Variants in ERC2 observed in about 807,000 individuals in gnomAD.
ERC2 encodes ERC protein 2.
In ERC2, 42 loss-of-function variants were observed where a neutral mutation model predicts 114.8. The ratio of observed to expected loss-of-function variants is 0.37; its 90% CI spans 0.29 to 0.47. The LOEUF (loss-of-function observed/expected upper bound fraction) is 0.47. ERC2 is among the 20% of genes least tolerant of loss of function. ERC2 has a pLI of 0.99. For missense variants in ERC2, 939 were observed against 1,150.7 expected (o/e 0.82, Z 2.66); for synonymous variants, 454 against 425.5 (o/e 1.07, Z -0.82).
chr3:55,618,289 T>C (rs1431083504), intron 17 of ERC2, among the ~76,000 whole-genome samples: 1 of 152,246 alleles, frequency 6.6e-6, no homozygotes, highest in East Asian at 1.9e-4. Context: ...ATTCAAGGCA[T>C]TAAAGCAGGG....
intron 3 of ERC2, among the ~76,000 whole-genome samples, chr3:56,241,466 C>T (rs2051316909): frequency 6.6e-6 from 1 of 152,144 alleles, no homozygotes; most frequent in Non-Finnish European, 1.5e-5. Context: ...TTTATAACAG[C>T]TCTATGGAAA....
intron 3 of ERC2, among the ~76,000 whole-genome samples, chr3:56,187,715 CA>C (rs2150060981): frequency 6.6e-6 from 1 of 152,198 alleles, no homozygotes; most frequent in Non-Finnish European, 1.5e-5. Context: ...TAAATGTATA[CA>C]GGTAATAAGT....
At chr3:55,991,988 A>G in intron 11 of ERC2, 69 bp downstream of exon 11, 1 of 1,408,648 alleles carries the variant, frequency 7.1e-7, no homozygotes, top group Non-Finnish European at 9.9e-7. Flanking sequence ...ATCCACCACA[A>G]CCGGAGATGG....
At chr3:55,926,407 T>C (rs2065750307) in intron 13 of ERC2, among the ~76,000 whole-genome samples, 1 of 35,798 alleles carries the variant, frequency 2.8e-5, no homozygotes, top group Non-Finnish European at 5.1e-5. Flanking sequence ...TTTTTTGTTT[T>C]TTGTTTTTAA....
intron 3 of ERC2, among the ~76,000 whole-genome samples, chr3:56,285,032 T>TAC (rs10575135): frequency 0.059 from 6,325 of 106,544 alleles, 157 homozygotes; most frequent in East Asian, 0.13. Context: ...CACACACACA[T>TAC]ACACACACAC....
chr3:56,126,032 TC>T (rs1422417681), intron 6 of ERC2, among the ~76,000 whole-genome samples: 1 of 152,192 alleles, frequency 6.6e-6, no homozygotes, highest in Non-Finnish European at 1.5e-5. Context: ...TCAACAAGTA[TC>T]CACTTAGGGC....
chr3:56,050,100 A>C (rs1001185639), intron 7 of ERC2, among the ~76,000 whole-genome samples: 1 of 152,214 alleles, frequency 6.6e-6, no homozygotes, highest in Non-Finnish European at 1.5e-5. Context: ...GAGGATGATG[A>C]AACTGTCATA....
intron 17 of ERC2, among the ~76,000 whole-genome samples, chr3:55,573,696 C>A (rs1467855570): frequency 6.6e-6 from 1 of 152,102 alleles, no homozygotes; most frequent in Non-Finnish European, 1.5e-5. Flanking sequence ...GGACCTTCCT[C>A]AGCCCACATG....
chr3:56,040,238 C>T (rs538968580), intron 7 of ERC2, among the ~76,000 whole-genome samples: 7 of 152,188 alleles, frequency 4.6e-5, no homozygotes, highest in Non-Finnish European at 7.4e-5. Flanking sequence ...CCATCACATA[C>T]GTGATTTAAG....
chr3:55,514,559 T>A (rs764825139), intron 17 of ERC2, among the ~76,000 whole-genome samples: 5 of 152,102 alleles, frequency 3.3e-5, no homozygotes, highest in Non-Finnish European at 7.3e-5. Flanking sequence ...GTTAGGGAAA[T>A]CTGAAACCAG....
chr3:56,050,879 A>G (rs1335784405), intron 7 of ERC2, among the ~76,000 whole-genome samples: 2 of 152,238 alleles, frequency 1.3e-5, no homozygotes, highest in Non-Finnish European at 2.9e-5. Context: ...ATACATGTGA[A>G]ATGAATTTCA....
At chr3:55,548,388 T>C (rs1559633529) in intron 17 of ERC2, among the ~76,000 whole-genome samples, 2 of 152,244 alleles carry the variant, frequency 1.3e-5, no homozygotes, top group African/African-American at 4.8e-5. Context: ...TTACAGGAGA[T>C]GTAAATAGTG....
chr3:56,160,522 TC>T (rs765559415), intron 4 of ERC2, among the ~76,000 whole-genome samples: 3 of 152,202 alleles, frequency 2.0e-5, no homozygotes, highest in Non-Finnish European at 2.9e-5. Flanking sequence ...TGCAATTGAT[TC>T]TGAGGACTTA....
At chr3:55,781,380 G>A (rs776932814) in intron 14 of ERC2, among the ~76,000 whole-genome samples, 1 of 152,174 alleles carries the variant, frequency 6.6e-6, no homozygotes, top group Non-Finnish European at 1.5e-5. Flanking sequence ...TCCAGGGTAG[G>A]TGCTCAGAAA....
At chr3:56,287,985 G>A (rs1470661799) in intron 3 of ERC2, among the ~76,000 whole-genome samples, 1 of 152,184 alleles carries the variant, frequency 6.6e-6, no homozygotes, top group African/African-American at 2.4e-5. Flanking sequence ...GAGTCTCCAT[G>A]TCCTCCCAGG....
At chr3:55,539,415 C>CTTTTGTTTTTTTTTTTTT (rs2054228363) in intron 17 of ERC2, among the ~76,000 whole-genome samples, 1 of 39,090 alleles carries the variant, frequency 2.6e-5, no homozygotes, top group Non-Finnish European at 4.6e-5. Flanking sequence ...TTTTTTCTTT[C>CTTTTGTTTTTTTTTTTTT]TTTTTTTTTT....
chr3:55,952,351 T>C (rs2067642625), intron 12 of ERC2, among the ~76,000 whole-genome samples: 1 of 151,854 alleles, frequency 6.6e-6, no homozygotes, highest in South Asian at 2.1e-4. Context: ...TGCATTAATT[T>C]TTGTCCAATA....
intron 14 of ERC2, among the ~76,000 whole-genome samples, chr3:55,799,595 A>G (rs2070874891): frequency 6.6e-6 from 1 of 151,846 alleles, no homozygotes; most frequent in African/African-American, 2.4e-5. Flanking sequence ...CAGCTGAGTG[A>G]CAACACACAA....
At chr3:56,033,071 A>T (rs1296305911) in intron 7 of ERC2, among the ~76,000 whole-genome samples, 1 of 132,950 alleles carries the variant, frequency 7.5e-6, no homozygotes, top group African/African-American at 2.5e-5. Flanking sequence ...AAAGAAAGAA[A>T]GAAAGAAAGA....
Sources: allele counts gnomAD v4.1 joint callset (sites outside exome capture counted in the v4.1 genomes callset), GRCh38; gene constraint gnomAD v4.1.1; transcripts MANE v1.5; gene names NCBI Gene and HGNC (gene_info 2026-07-23, HGNC 2026-07-21).